Variants in TAF10 observed in about 807,000 individuals in gnomAD.
TAF10 encodes the protein transcription initiation factor TFIID subunit 10.
A neutral mutation model predicts 18.1 loss-of-function variants in TAF10; 2 were observed. The ratio of observed to expected loss-of-function variants is 0.11; its 90% confidence interval spans 0.05 to 0.35. TAF10 has a LOEUF of 0.35. TAF10 is among the 10% of genes least tolerant of loss of function. TAF10 has a pLI of 1.00. For synonymous variants in TAF10, 158 were observed against 134.6 expected (o/e 1.17, Z -1.20); for missense variants, 293 against 306.9 (o/e 0.95, Z 0.34).
In TAF10 at chr11:6,608,888, G is replaced by A; in HGVS notation, c.*2034C>T. ...TAGGTTGTTTTTCTTCCCTAGAGCGGGCAGAGAAGATGGGCCAGAATCTCA... is the reference window on the plus strand; with the variant it reads ...TAGGTTGTTTTTCTTCCCTAGAGCGAGCAGAGAAGATGGGCCAGAATCTCA... On this transcript the variant is annotated 3_prime_UTR_variant, in exon 5 of 5. Transcript: ENST00000299424. This position sits in a 1 kb window ranked among gnomAD's most constrained non-coding sequence, Gnocchi z 4.9. The A allele has an allele frequency of 6.2e-7, 1 of 1,614,200 alleles. No individual in the cohort carries two copies. Among genetic ancestry groups the A allele is most frequent in the Non-Finnish European group, 8.5e-7 (1 of 1,180,038 alleles).
Position 6,607,967 on chromosome 11 carries a change from G to A in TAF10, c.*2955C>T, listed in dbSNP as rs1855094346. ...AGAGGTAAGCCTTCCCAGAGAGTAT[G>A]TAATTATCAGTTTTTCAGGAATCAA... On this transcript the variant is annotated 3_prime_UTR_variant, in exon 5 of 5. Transcript: ENST00000299424. 2.1e-6 allele frequency: 3 copies of A among 1,430,674 alleles called. No individual in the cohort carries two copies. Among genetic ancestry groups the A allele is most frequent in the South Asian group, 2.3e-5 (2 of 85,540 alleles). The allele number at this position is 1,430,674 out of a possible 1,614,324, so 88.6% of individuals were successfully genotyped here. A position where few individuals can be genotyped will look rare whatever the true frequency, so the allele number is the denominator to read the frequency against.
chr11:6,608,944 A>C lies in TAF10; in HGVS notation c.*1978T>G. 8 of 1,614,204 alleles carry C rather than the reference A, an allele frequency of 5.0e-6. No homozygotes were observed. The highest frequency in any genetic ancestry group is 1.3e-5 in the African/African-American group (1 of 75,060). ...ATTCCATACAAGGACACATTCTGGA[A>C]GGGGACCACCCGCACTCGGCCCCGT... On this transcript the variant is annotated 3_prime_UTR_variant, in exon 5 of 5. Transcript: ENST00000299424. The surrounding 1 kb of genome is among the most constrained non-coding windows in gnomAD (Gnocchi z 4.9).
chr11:6,609,089 A>C lies in TAF10; in HGVS notation c.*1833T>G, dbSNP rs762454800. On this transcript the variant is annotated 3_prime_UTR_variant, in exon 5 of 5. Coordinates refer to ENST00000299424, the MANE Select transcript of TAF10 (RefSeq NM_006284.4). ...CTCTTAGGAAATGGAACCCTGAACA[A>C]ACACTCTGGCATTGACTTCAAACAG... 1.1e-5 allele frequency: 17 copies of C among 1,614,032 alleles called. No individual in the cohort carries two copies. In the African/African-American group the frequency reaches 1.2e-4, roughly 11 times the overall value.
In TAF10 at chr11:6,608,978, A is replaced by T; in HGVS notation, c.*1944T>A. 2 of 1,614,004 alleles carry T rather than the reference A, an allele frequency of 1.2e-6. No individual in the cohort carries two copies. Among genetic ancestry groups the T allele is most frequent in the South Asian group, 2.2e-5 (2 of 91,078 alleles). The stretch of plus-strand genomic sequence containing the variant: ...CCCGCACTCGGCCCCGTGAGTCACC[A>T]CTGTGGGAAGAAGGGTTGTAAAAGG... On this transcript the variant is annotated 3_prime_UTR_variant, in exon 5 of 5. Transcript: ENST00000299424. This position sits in a 1 kb window ranked among gnomAD's most constrained non-coding sequence, Gnocchi z 4.9.
chr11:6,612,030 C>A lies in TAF10; in HGVS notation c.160G>T (p.Ala54Ser). ...CCCGTGCCCCCAGCAGCTGCTCCAGCCCCAGGTCCCCCCGCTGTCCCCGCG... is the reference window on the plus strand; with the variant it reads ...CCCGTGCCCCCAGCAGCTGCTCCAGACCCAGGTCCCCCCGCTGTCCCCGCG... Reference protein sequence around the residue: ...SPAGTAGGPGAGAAAGGTGPL... With the variant: ...SPAGTAGGPGSGAAAGGTGPL... Residue 54 changes from alanine (A) to serine (S), a missense_variant, in exon 1 of 5, where the codon GCT (alanine) becomes TCT (serine). Coordinates refer to ENST00000299424, the MANE Select transcript of TAF10 (RefSeq NM_006284.4). 6.7e-7 allele frequency: 1 copy of A among 1,502,026 alleles called. No homozygotes were observed. Among genetic ancestry groups the A allele is most frequent in the South Asian group, 1.3e-5 (1 of 78,848 alleles). 93.0% of individuals were successfully genotyped at this position (1,502,026 alleles called of 1,614,324 possible).
rs370491797 is a variant in TAF10 at position 6,611,977 on chromosome 11, T to A, written c.213A>T (p.Pro71=). The A allele has an allele frequency of 2.1e-5, 33 of 1,564,950 alleles. No homozygotes were observed. In the African/African-American group the frequency reaches 3.1e-4, roughly 15 times the overall value. Residue 71 remains proline (P), a synonymous_variant, in exon 1 of 5, where the codon CCA becomes CCT. Transcript: ENST00000299424. ...TGPLAARAGE[P]AERRGAAPVS... ...CCTCACCCGCCCCACGCCGCTCAGC[T>A]GGCTCCCCGGCCCGCGCCGCCAAGG...
At position 6,609,398 on chromosome 11, in the gene TAF10, C is replaced by G; in HGVS notation, c.*1524G>C. 6.2e-7 allele frequency: 1 copy of G among 1,613,836 alleles called. No individual in the cohort carries two copies. The highest frequency in any genetic ancestry group is 8.5e-7 in the Non-Finnish European group (1 of 1,179,876). On this transcript the variant is annotated 3_prime_UTR_variant, in exon 5 of 5. Transcript: ENST00000299424. The stretch of plus-strand genomic sequence containing the variant: ...GAGCAGGGACTTCAATGAAGAGTGT[C>G]CCCGGCTCAGGTAGTGCAAGGCGTA...
rs943000976 is a variant in TAF10, at chr11:6,611,030, G to A, written c.568-19C>T. On this transcript the variant is annotated intron_variant, in intron 4 of 4. Coordinates refer to ENST00000299424, the MANE Select transcript of TAF10 (RefSeq NM_006284.4). Reference sequence around the variant, plus strand: ...TGCGGTCCTGAGGGAAGAGGGAAGAGCACCAACTGAGCACAGGAATCCCGG... The same window carrying A: ...TGCGGTCCTGAGGGAAGAGGGAAGAACACCAACTGAGCACAGGAATCCCGG... 4 of 1,612,886 alleles carry A rather than the reference G, an allele frequency of 2.5e-6. No individual in the cohort carries two copies. Among genetic ancestry groups the A allele is most frequent in the Non-Finnish European group, 3.4e-6 (4 of 1,179,322 alleles).
At chr11:6,611,083 G>C in intron 4 of TAF10, 72 bp from the exon 5 acceptor site, 1 of 1,594,856 alleles carries the variant, frequency 6.3e-7, no homozygotes, top group South Asian at 1.1e-5. Flanking sequence ...GTGACCCTGA[G>C]TAAGTCTTAC....
At position 6,610,877 on chromosome 11, in the gene TAF10, G is replaced by A; in HGVS notation, c.*45C>T. 4 of 1,595,650 alleles carry A rather than the reference G, an allele frequency of 2.5e-6. No individual in the cohort carries two copies. The highest frequency in any genetic ancestry group is 3.4e-6 in the Non-Finnish European group (4 of 1,163,188). On this transcript the variant is annotated 3_prime_UTR_variant, in exon 5 of 5. Transcript: ENST00000299424. ...ATAAAGTTTATTATGAAAACAGGCT[G>A]GTGTGGGGACATGGGGACAGATAAG... is the stretch of plus-strand genomic sequence containing the variant.
rs1259159118 is a variant in TAF10 at position 6,611,243 on chromosome 11, T to C, written c.513A>G (p.Leu171=). ...CCGTGCCCTTCATTTTGCAGTGCTG[T>C]AGGGCATCATTGGCAATATCTGAGA... The part of the protein sequence containing the change: ...KFISDIANDA[L]QHCKMKGTAS... Residue 171 remains leucine (L), a synonymous_variant, in exon 4 of 5, where the codon CTA becomes CTG. Coordinates refer to ENST00000299424, the MANE Select transcript of TAF10 (RefSeq NM_006284.4). 1.2e-6 allele frequency: 2 copies of C among 1,613,986 alleles called. No individual in the cohort carries two copies. The highest frequency in any genetic ancestry group is 1.7e-6 in the Non-Finnish European group (2 of 1,180,042).
chr11:6,606,534 G>C lies in TAF10; in HGVS notation c.*4388C>G, dbSNP rs1222488213. The C allele has an allele frequency of 6.6e-6, 1 of 151,870 alleles. No homozygotes were observed. The highest frequency in any genetic ancestry group is 1.5e-5 in the Non-Finnish European group (1 of 67,970). 9.4% of individuals were successfully genotyped at this position (151,870 alleles called of 1,614,324 possible). A position where few individuals can be genotyped will look rare whatever the true frequency, so the allele number is the denominator to read the frequency against. ...TGGTGAGGAAATAGAGGCTTAGGCAGTTGCCCAGTGGGCCTAGCATCTAGG... is the reference window on the plus strand; with the variant it reads ...TGGTGAGGAAATAGAGGCTTAGGCACTTGCCCAGTGGGCCTAGCATCTAGG... On this transcript the variant is annotated 3_prime_UTR_variant, in exon 5 of 5. Transcript: ENST00000299424.
At chr11:6,611,878 C>A (rs1159896751) in intron 1 of TAF10, 60 bp from the exon 2 acceptor site, 1 of 1,569,420 alleles carries the variant, frequency 6.4e-7, no homozygotes. Context: ...CCAGCTAGGT[C>A]TGTCTATACC....
In TAF10 at chr11:6,608,680, C is replaced by A; in HGVS notation, c.*2242G>T. The A allele has an allele frequency of 6.2e-7, 1 of 1,606,222 alleles. No homozygotes were observed. Among genetic ancestry groups the A allele is most frequent in the Non-Finnish European group, 8.5e-7 (1 of 1,172,694 alleles). On this transcript the variant is annotated 3_prime_UTR_variant, in exon 5 of 5. Transcript: ENST00000299424. This position sits in a 1 kb window ranked among gnomAD's most constrained non-coding sequence, Gnocchi z 4.9. ...GTAGCAGTGGCTCTCATCATAATGG[C>A]CTTTTCATTCCAGGACCTGGTGGCA...
In TAF10 at chr11:6,611,720, C is replaced by G. The variant is rs1855466925; in HGVS notation, c.331G>C (p.Val111Leu). ...AAGTCCACCAAAGGCGTGCTGGACA[C>G]CACGGGCTTCACGTCTCCGTTGGCC... Reference protein sequence around the residue: ...SAANGDVKPVVSSTPLVDFLM... With the variant: ...SAANGDVKPVLSSTPLVDFLM... Residue 111 changes from valine (V) to leucine (L), a missense_variant, in exon 2 of 5, where the codon GTG becomes CTG. Physicochemically the swap from Val to Leu is conservative, Grantham distance 32. Transcript: ENST00000299424. The G allele has an allele frequency of 6.2e-7, 1 of 1,611,400 alleles. No individual in the cohort carries two copies. The highest frequency in any genetic ancestry group is 1.3e-5 in the African/African-American group (1 of 74,892).
At position 6,608,521 on chromosome 11, in the gene TAF10, G is replaced by C. The variant is rs752043366; in HGVS notation, c.*2401C>G. 1 of 1,563,968 alleles carries C rather than the reference G, an allele frequency of 6.4e-7. No individual in the cohort carries two copies. Among genetic ancestry groups the C allele is most frequent in the Admixed American group, 1.7e-5 (1 of 59,984 alleles). On this transcript the variant is annotated 3_prime_UTR_variant, in exon 5 of 5. Coordinates refer to ENST00000299424, the MANE Select transcript of TAF10 (RefSeq NM_006284.4). This position sits in a 1 kb window ranked among gnomAD's most constrained non-coding sequence, Gnocchi z 4.9. ...ACTCAGCCCTTAATTCCTGAGATGGGTAGGAAGTAAAGTCTGAGCCTTGGT... is the reference window on the plus strand; with the variant it reads ...ACTCAGCCCTTAATTCCTGAGATGGCTAGGAAGTAAAGTCTGAGCCTTGGT...
chr11:6,611,643 C>CT (rs1855464850), intron 2 of TAF10, 21 bp downstream of exon 2: 2 of 1,576,280 alleles, frequency 1.3e-6, no homozygotes, highest in East Asian at 4.5e-5. Context: ...GCTAGGTGGC[C>CT]TTGTTCGGGC....
chr11:6,611,675 A>G lies in TAF10; in HGVS notation c.376T>C (p.Tyr126His). 6.3e-7 allele frequency: 1 copy of G among 1,592,110 alleles called. No homozygotes were observed. Among genetic ancestry groups the G allele is most frequent in the Non-Finnish European group, 8.6e-7 (1 of 1,168,532 alleles). The change falls in exon 2 of 5, where the codon TAC becomes CAC. Residue 126 changes from tyrosine (Y) to histidine (H), a missense_variant. Tyr to His is a moderately conservative substitution (Grantham distance 83). Transcript: ENST00000299424. ...LVDFLMQLED[Y>H]TPTIPDAVTG... The stretch of plus-strand genomic sequence containing the variant: ...GGGCGGAAGCCCACCGTAGGCGTGT[A>G]ATCTTCCAGCTGCATCAAGAAGTCC...
Position 6,609,890 on chromosome 11 carries a change from TG to T in TAF10, c.*1031del. 3 of 1,614,184 alleles carry T rather than the reference TG, an allele frequency of 1.9e-6. No homozygotes were observed. The highest frequency in any genetic ancestry group is 2.5e-6 in the Non-Finnish European group (3 of 1,180,038). ...CCTGGCCCAGGCCCCAAAAGCCCTT[TG>T]CCTATCTATGACTTACCTCCTTCTA... On this transcript the variant is annotated 3_prime_UTR_variant, in exon 5 of 5. Transcript: ENST00000299424.
Sources: allele counts gnomAD v4.1 joint callset, GRCh38; gene constraint gnomAD v4.1.1; non-coding constraint Gnocchi (gnomAD v3.1); transcripts MANE v1.5; gene names NCBI Gene and HGNC (gene_info 2026-07-23, HGNC 2026-07-21).